The following SCAMP1 variants were observed in gnomAD, a reference collection of about 807,000 sequenced individuals.
SCAMP1 encodes secretory carrier-associated membrane protein 1.
SCAMP1 carries 15 observed loss-of-function variants against 41.8 expected under a neutral mutation model. The observed-to-expected ratio is 0.36, with a 90% CI of 0.24 to 0.55. The LOEUF (loss-of-function observed/expected upper bound fraction) is 0.55, where lower values mean the gene tolerates loss of function less well. Ranked by LOEUF, SCAMP1 falls within the 20% of genes least tolerant of loss-of-function variation. The pLI, the probability that SCAMP1 is intolerant of heterozygous loss-of-function variation, is 0.86. For synonymous variants in SCAMP1, 135 were observed against 136.8 expected (o/e 0.99, Z 0.09); for missense variants, 341 against 412.6 (o/e 0.83, Z 1.50).
At chr5:78,390,890 A>G (rs1328059001) in intron 2 of SCAMP1, among the ~76,000 whole-genome samples, 12 of 150,896 alleles carry the variant, frequency 8.0e-5, no homozygotes, top group Admixed American at 1.3e-4. Context: ...TCTGTTTAAC[A>G]AAGCACATCT....
chr5:78,391,902 C>T (rs1235255147), intron 2 of SCAMP1, among the ~76,000 whole-genome samples: 1 of 152,078 alleles, frequency 6.6e-6, no homozygotes, highest in Non-Finnish European at 1.5e-5. Context: ...AGGCACTCGG[C>T]AGGCTGAGGC....
At chr5:78,410,457 C>G (rs1752047597) in intron 2 of SCAMP1, among the ~76,000 whole-genome samples, 1 of 152,136 alleles carries the variant, frequency 6.6e-6, no homozygotes, top group African/African-American at 2.4e-5. Flanking sequence ...TCATCGATAT[C>G]CCTGCTAAGG....
chr5:78,364,259 A>G (rs781664937), intron 1 of SCAMP1, among the ~76,000 whole-genome samples: 5 of 152,342 alleles, frequency 3.3e-5, no homozygotes, highest in South Asian at 2.1e-4. Flanking sequence ...TGTATGGTTA[A>G]GTGCCGGAAC....
At chr5:78,423,848 CT>C (rs5868920) in intron 6 of SCAMP1, among the ~76,000 whole-genome samples, 30 of 146,584 alleles carry the variant, frequency 2.0e-4, no homozygotes, top group Admixed American at 6.8e-4. Flanking sequence ...GAGAGGAATA[CT>C]TTTTTTTTTT....
rs1011536860 is a variant in SCAMP1, at chr5:78,416,655, A to G, written c.343+6A>G. ...GCAAAACCTCAGTCAACATGGTAGT[A>G]TCCAAAGAAATTTGAAATAAAAATA... On this transcript the variant is annotated splice_donor_region_variant and intron_variant, in intron 4 of 8. Transcript: ENST00000621999. The G allele has an allele frequency of 6.4e-7, 1 of 1,554,862 alleles. No individual in the cohort carries two copies. The highest frequency in any genetic ancestry group is 1.4e-5 in the African/African-American group (1 of 72,580).
intron 6 of SCAMP1, among the ~76,000 whole-genome samples, chr5:78,436,342 T>C (rs79422055): frequency 0.37 from 56,309 of 152,078 alleles, 12,548 homozygotes; most frequent in Non-Finnish European, 0.5. Flanking sequence ...TCTTCTAGGG[T>C]TTTTATAATT....
intron 6 of SCAMP1, among the ~76,000 whole-genome samples, chr5:78,444,800 T>C (rs1753014794): frequency 6.6e-6 from 1 of 152,252 alleles, no homozygotes; most frequent in South Asian, 2.1e-4. Context: ...AAGTAATGTT[T>C]ATCAGTTGCT....
Position 78,416,581 on chromosome 5 carries a change from A to G in SCAMP1, c.275A>G (p.Glu92Gly), listed in dbSNP as rs751098492. 6.3e-7 allele frequency: 1 copy of G among 1,598,908 alleles called. No individual in the cohort carries two copies. The highest frequency in any genetic ancestry group is 1.1e-5 in the South Asian group (1 of 87,826). The change falls in exon 4 of 9, where the codon GAA (glutamate) becomes GGA (glycine). Residue 92 changes from glutamate (E) to glycine (G), a missense_variant. Physicochemically the swap from Glu to Gly is moderately conservative, Grantham distance 98. Coordinates refer to ENST00000621999, the MANE Select transcript of SCAMP1 (RefSeq NM_004866.6). The stretch of plus-strand genomic sequence containing the variant: ...CAAGCTGAACTTCTTAAGCGCCAGG[A>G]AGAACTAGAAAGAAAAGCCGCAGAA... ...LAQAELLKRQ[E>G]ELERKAAELD...
rs1197381285 is a variant in SCAMP1 at position 78,398,355 on chromosome 5, CTTTTTTTTTTTTTT to C, written c.135+9455_135+9468del. Among the ~76,000 whole-genome samples the C allele has an allele frequency of 1.0e-4, 6 of 57,484 alleles. No individual in the cohort carries two copies. The Admixed American group carries it at 1.2e-3, about 12-fold the overall frequency. The allele number at this position is 57,484 out of a possible 152,430, so 37.7% of individuals were successfully genotyped here. ...CTATAGTTTATCCTAGGGTTCACCT[CTTTTTTTTTTTTTT>C]TTTTTTTTTTTTTGAGACAGGGTCT... On this transcript the variant is annotated intron_variant, in intron 2 of 8. Coordinates refer to ENST00000621999, the MANE Select transcript of SCAMP1 (RefSeq NM_004866.6).
At chr5:78,395,441 A>ATAT (rs1310862261) in intron 2 of SCAMP1, among the ~76,000 whole-genome samples, 1 of 152,208 alleles carries the variant, frequency 6.6e-6, no homozygotes. Context: ...CACACTGGAT[A>ATAT]TATTCATTTT....
chr5:78,389,556 G>A (rs767719296), intron 2 of SCAMP1, among the ~76,000 whole-genome samples: 12 of 151,980 alleles, frequency 7.9e-5, no homozygotes, highest in East Asian at 1.9e-4. Flanking sequence ...GATGTGAGCC[G>A]TGGCGCCTGG....
chr5:78,363,324 T>C (rs1750709406), intron 1 of SCAMP1, among the ~76,000 whole-genome samples: 1 of 151,998 alleles, frequency 6.6e-6, no homozygotes, highest in Non-Finnish European at 1.5e-5. Flanking sequence ...ACCATTCTCC[T>C]GCCTCAGACT....
rs1249130769 is a variant in SCAMP1 at position 78,409,188 on chromosome 5, CT to C, written c.136-6331del. Among the ~76,000 whole-genome samples, 3 of 152,118 alleles carry C rather than the reference CT, an allele frequency of 2.0e-5. No homozygotes were observed. In the East Asian group the frequency reaches 5.8e-4, roughly 29 times the overall value. On this transcript the variant is annotated intron_variant, in intron 2 of 8. Transcript: ENST00000621999. Reference sequence around the variant, plus strand: ...TTTGGTGAATGGTTTGGTATCAAGGCTGTTCTTTCTTTGGATTTAGTAGTTC... The same window carrying C: ...TTTGGTGAATGGTTTGGTATCAAGGCGTTCTTTCTTTGGATTTAGTAGTTC...
chr5:78,459,106 T>TGA (rs1253474377), intron 7 of SCAMP1, 139 bp from the exon 8 acceptor site: 26 of 619,200 alleles, frequency 4.2e-5, no homozygotes, highest in Admixed American at 9.7e-5. Flanking sequence ...GGGTGGGTTG[T>TGA]GAGAATTAAA....
At chr5:78,399,944 C>G (rs1216465538) in intron 2 of SCAMP1, among the ~76,000 whole-genome samples, 2 of 152,098 alleles carry the variant, frequency 1.3e-5, no homozygotes, top group East Asian at 3.8e-4. Context: ...GGCCTATGAT[C>G]CATTTTTAAA....
chr5:78,445,060 C>G (rs531061696), intron 6 of SCAMP1, among the ~76,000 whole-genome samples: 1 of 152,228 alleles, frequency 6.6e-6, no homozygotes, highest in African/African-American at 2.4e-5. Flanking sequence ...TAACTTGTGT[C>G]CCCCCATCTT....
chr5:78,364,281 G>A (rs991109017), intron 1 of SCAMP1, among the ~76,000 whole-genome samples: 1 of 152,148 alleles, frequency 6.6e-6, no homozygotes, highest in African/African-American at 2.4e-5. Context: ...AGTGCAGTTT[G>A]TTCATAAAAG....
At chr5:78,360,989 A>G in intron 1 of SCAMP1, 1 of 456,284 alleles carries the variant, frequency 2.2e-6, no homozygotes, top group Non-Finnish European at 3.9e-6. Context: ...TCGTGTCTGC[A>G]GCCGGGACTG....
chr5:78,382,818 T>TGTGC (rs1554041436), intron 1 of SCAMP1, among the ~76,000 whole-genome samples: 5 of 90,526 alleles, frequency 5.5e-5, no homozygotes, highest in African/African-American at 1.1e-4. Context: ...TGTGTGTGTG[T>TGTGC]GCGCCACATT....
Sources: gnomAD v4.1 joint callset for allele counts (sites outside exome capture counted in the v4.1 genomes callset) on GRCh38, gnomAD v4.1.1 for gene constraint, MANE v1.5 for transcripts, NCBI Gene and HGNC (gene_info 2026-07-23, HGNC 2026-07-21) for gene names.